PPP4R1: variants seen among roughly 807,000 people sequenced by gnomAD.
The protein encoded by PPP4R1 is protein phosphatase 4 regulatory subunit 1.
Under a neutral mutation model 111.2 loss-of-function variants are expected in PPP4R1, and 42 were observed. The observed-to-expected ratio is 0.38, with a 90% confidence interval of 0.29 to 0.49. PPP4R1 has a LOEUF of 0.49. Among genes scored for constraint, PPP4R1 ranks in the 20% least tolerant of loss-of-function variants. PPP4R1 has a pLI of 0.97. For missense variants in PPP4R1, 1,012 were observed against 1,161.6 expected (o/e 0.87, Z 1.87); for synonymous variants, 409 against 405.5 (o/e 1.01, Z -0.10).
At chr18:9,549,675 T>G (rs970357705) in intron 18 of PPP4R1, among the ~76,000 whole-genome samples, 4 of 152,162 alleles carry the variant, frequency 2.6e-5, no homozygotes, top group African/African-American at 9.7e-5. Context: ...GGTACATGTA[T>G]GTATGCCTGT....
chr18:9,585,119 TTAC>T, intron 6 of PPP4R1, among the ~76,000 whole-genome samples: 1 of 152,328 alleles, frequency 6.6e-6, no homozygotes, highest in South Asian at 2.1e-4. Flanking sequence ...AGTTTCCATC[TTAC>T]TACTACTTCA....
chr18:9,576,342 T>C (rs899536754), intron 10 of PPP4R1, among the ~76,000 whole-genome samples: 4 of 152,204 alleles, frequency 2.6e-5, no homozygotes, highest in African/African-American at 9.6e-5. Flanking sequence ...AAAGTTTGTG[T>C]ACATTTCCCG....
chr18:9,593,441 C>T (rs1347971149), intron 4 of PPP4R1, among the ~76,000 whole-genome samples: 1 of 152,066 alleles, frequency 6.6e-6, no homozygotes, highest in African/African-American at 2.4e-5. Flanking sequence ...AAATAATTTA[C>T]AGCCTCCTCC....
chr18:9,565,818 G>A (rs925392010), intron 11 of PPP4R1, among the ~76,000 whole-genome samples: 4 of 152,214 alleles, frequency 2.6e-5, no homozygotes, highest in Non-Finnish European at 5.9e-5. Context: ...AGAAGTGCAA[G>A]GTGAAGCAGC....
At chr18:9,580,997 C>A (rs1269639989) in intron 9 of PPP4R1, among the ~76,000 whole-genome samples, 1 of 152,170 alleles carries the variant, frequency 6.6e-6, no homozygotes, top group African/African-American at 2.4e-5. Flanking sequence ...GTGGGCAGAC[C>A]CAAAGCTGTA....
intron 10 of PPP4R1, among the ~76,000 whole-genome samples, chr18:9,576,172 A>G (rs1309168143): frequency 1.3e-5 from 2 of 152,226 alleles, no homozygotes; most frequent in Non-Finnish European, 2.9e-5. Context: ...CTGCCAAATC[A>G]AAACACCAAG....
intron 2 of PPP4R1, chr18:9,599,592 T>C (rs2067346753): frequency 6.6e-6 from 1 of 152,202 alleles, no homozygotes; most frequent in South Asian, 2.1e-4. Context: ...AACATAATTA[T>C]ACACTGCAGC....
At position 9,557,217 on chromosome 18, in the gene PPP4R1, T is replaced by C; in HGVS notation, c.2190+4A>G. 5 of 1,568,332 alleles carry C rather than the reference T, an allele frequency of 3.2e-6. No individual in the cohort carries two copies. The highest frequency in any genetic ancestry group is 4.3e-6 in the Non-Finnish European group (5 of 1,164,478). On this transcript the variant is annotated splice_donor_region_variant and intron_variant, in intron 15 of 19. Transcript: ENST00000400556. ...GTTTTTATGCAAAAAAATTTAAAAG[T>C]TACCTTCAGAAAATCATGCAAGTGT...
chr18:9,562,200 T>TTA (rs2066690221), intron 12 of PPP4R1, 125 bp from the exon 13 acceptor site: 2 of 686,654 alleles, frequency 2.9e-6, no homozygotes, highest in Admixed American at 5.6e-5. Context: ...CCTCATGTTT[T>TTA]TAAAAGCTTA....
At chr18:9,549,002 T>C (rs1277063765) in intron 19 of PPP4R1, among the ~76,000 whole-genome samples, 195 bp downstream of exon 19, 3 of 152,228 alleles carry the variant, frequency 2.0e-5, no homozygotes, top group Non-Finnish European at 2.9e-5. Context: ...ACTAGAACAG[T>C]AGAGGGCTAA....
At chr18:9,611,354 C>T (rs919143918) in intron 2 of PPP4R1, among the ~76,000 whole-genome samples, 1 of 152,034 alleles carries the variant, frequency 6.6e-6, no homozygotes. Context: ...TAAGGGCAGC[C>T]CAAGCTCCGT....
intron 2 of PPP4R1, among the ~76,000 whole-genome samples, chr18:9,608,495 A>C (rs961710912): frequency 1.3e-5 from 2 of 152,206 alleles, no homozygotes; most frequent in Non-Finnish European, 2.9e-5. Flanking sequence ...AGATGACTTA[A>C]AAGTTAGGAG....
intron 6 of PPP4R1, 65 bp from the exon 7 acceptor site, chr18:9,584,893 T>A: frequency 8.0e-7 from 1 of 1,249,372 alleles, no homozygotes; most frequent in South Asian, 1.4e-5. Context: ...TTAAATTAAA[T>A]AATAAAAGTA....
chr18:9,596,899 T>C (rs1480464394), intron 2 of PPP4R1, among the ~76,000 whole-genome samples: 2 of 152,184 alleles, frequency 1.3e-5, no homozygotes, highest in African/African-American at 4.8e-5. Context: ...CACTTAAACA[T>C]GATCTTCCAC....
At chr18:9,566,655 AC>A in intron 11 of PPP4R1, among the ~76,000 whole-genome samples, 1 of 49,746 alleles carries the variant, frequency 2.0e-5, no homozygotes, top group South Asian at 6.6e-4. Context: ...TGTGACACAC[AC>A]ACACACACAC....
intron 2 of PPP4R1, among the ~76,000 whole-genome samples, chr18:9,613,102 A>T (rs1017986698): frequency 1.3e-5 from 2 of 152,260 alleles, no homozygotes; most frequent in Non-Finnish European, 2.9e-5. Context: ...GGTACTAGAC[A>T]GTCAATCTCA....
In PPP4R1 at chr18:9,601,549, A is replaced by T. The variant is rs143503592; in HGVS notation, c.53-6396T>A. 6.3e-3 allele frequency among the ~76,000 whole-genome samples: 952 copies of T among 152,172 alleles called. 12 individuals are homozygous for T. Among genetic ancestry groups the T allele is most frequent in the African/African-American group, 0.022 (913 of 41,548 alleles). On this transcript the variant is annotated intron_variant, in intron 2 of 19. Transcript: ENST00000400556. Reference sequence around the variant, plus strand: ...TCCAAAATAAATAAATAATTTTTTTAAAAAGTGATCTCAGCTCACTGCAAC... The same window carrying T: ...TCCAAAATAAATAAATAATTTTTTTTAAAAGTGATCTCAGCTCACTGCAAC...
At chr18:9,548,071 C>A (rs535546143) in intron 19 of PPP4R1, 119 bp from the exon 20 acceptor site, 11 of 1,011,016 alleles carry the variant, frequency 1.1e-5, no homozygotes, top group African/African-American at 1.6e-5. Context: ...ACAAGCCACA[C>A]TGAAACATAA....
At chr18:9,555,955 T>G (rs1172087061) in intron 15 of PPP4R1, among the ~76,000 whole-genome samples, 5 of 149,266 alleles carry the variant, frequency 3.3e-5, no homozygotes, top group Admixed American at 2.7e-4. Flanking sequence ...GCCAACACGG[T>G]GAAACCCCAT....
Sources: allele counts gnomAD v4.1 joint callset (sites outside exome capture counted in the v4.1 genomes callset), GRCh38; gene constraint gnomAD v4.1.1; transcripts MANE v1.5; gene names NCBI Gene and HGNC (gene_info 2026-07-23, HGNC 2026-07-21).